The following ARSB variants were observed in gnomAD, a reference collection of about 807,000 sequenced individuals.
The protein encoded by ARSB is arylsulfatase B.
In ARSB, 41 loss-of-function variants were observed where a neutral mutation model predicts 50.9. The ratio of observed to expected loss-of-function variants is 0.81; its 90% CI spans 0.63 to 1.04. The LOEUF is 1.04. Among genes scored for constraint, ARSB ranks in the 50% least tolerant of loss-of-function variants. The probability of loss-of-function intolerance (pLI) is 0.00; values close to 1 mark genes in which losing one functional copy is unlikely to be tolerated. For synonymous variants in ARSB, 269 were observed against 284.8 expected (o/e 0.94, Z 0.56); for missense variants, 672 against 693.3 (o/e 0.97, Z 0.35).
chr5:78,869,555 G>A (rs1203196963), intron 5 of ARSB, among the ~76,000 whole-genome samples: 3 of 150,090 alleles, frequency 2.0e-5, no homozygotes, highest in Non-Finnish European at 3.0e-5. Flanking sequence ...ACCTGCTCCT[G>A]AATGACTACT....
chr5:78,841,152 ACT>A, intron 5 of ARSB, among the ~76,000 whole-genome samples: 1 of 127,592 alleles, frequency 7.8e-6, no homozygotes, highest in Non-Finnish European at 1.6e-5. Flanking sequence ...TACTACTACT[ACT>A]ACTACTACTA....
chr5:78,912,666 C>A (rs1749359566), intron 4 of ARSB, among the ~76,000 whole-genome samples: 1 of 152,190 alleles, frequency 6.6e-6, no homozygotes, highest in Non-Finnish European at 1.5e-5. Flanking sequence ...ACATTTTGCT[C>A]AACCAAACAT....
chr5:78,803,985 G>A (rs1327379204), intron 6 of ARSB, among the ~76,000 whole-genome samples: 1 of 152,192 alleles, frequency 6.6e-6, no homozygotes, highest in East Asian at 1.9e-4. Flanking sequence ...CCCACCCGAG[G>A]GCACCTGGCA....
At chr5:78,936,222 T>C (rs537640149) in intron 4 of ARSB, among the ~76,000 whole-genome samples, 6 of 148,814 alleles carry the variant, frequency 4.0e-5, no homozygotes, top group Admixed American at 4.0e-4. Flanking sequence ...CCTCCCGGGT[T>C]CAAGCGATTC....
At chr5:78,929,141 A>ATTCCC (rs1750198117) in intron 4 of ARSB, among the ~76,000 whole-genome samples, 2 of 152,196 alleles carry the variant, frequency 1.3e-5, no homozygotes. Context: ...AACCTGGGGA[A>ATTCCC]CCGTGGCTCC....
intron 4 of ARSB, among the ~76,000 whole-genome samples, chr5:78,891,816 C>T (rs908658458): frequency 6.6e-6 from 1 of 151,706 alleles, no homozygotes; most frequent in Non-Finnish European, 1.5e-5. Flanking sequence ...AAAACTTGAG[C>T]TAAATGATGA....
At position 78,780,316 on chromosome 5, in the gene ARSB, G is replaced by A; in HGVS notation, c.*81C>T. On this transcript the variant is annotated 3_prime_UTR_variant, in exon 8 of 8. Coordinates refer to ENST00000264914, the MANE Select transcript of ARSB (RefSeq NM_000046.5). ...GAAGGGCCAAGTGAACCCAGGTTGG[G>A]ATAACAAATGAGACAAGAGTCGTGA... The A allele has an allele frequency of 6.3e-7, 1 of 1,598,066 alleles. No individual in the cohort carries two copies. Among genetic ancestry groups the A allele is most frequent in the Non-Finnish European group, 8.6e-7 (1 of 1,168,838 alleles).
In ARSB at chr5:78,778,279, G is replaced by A. The variant is rs1748826781; in HGVS notation, c.*2118C>T. ...TGGTCAGCTGTTTGCCAACCCAGGA[G>A]TTGGGTAAAGGTTGGTAAGAGATGT... is the stretch of plus-strand genomic sequence containing the variant. On this transcript the variant is annotated 3_prime_UTR_variant, in exon 8 of 8. Transcript: ENST00000264914. 6.6e-6 allele frequency: 1 copy of A among 152,232 alleles called. No individual in the cohort carries two copies. Among genetic ancestry groups the A allele is most frequent in the African/African-American group, 2.4e-5 (1 of 41,458 alleles). The allele number at this position is 152,232 out of a possible 1,614,324, so 9.4% of individuals were successfully genotyped here.
chr5:78,955,164 T>C, intron 4 of ARSB, 131 bp downstream of exon 4: 1 of 853,124 alleles, frequency 1.2e-6, no homozygotes, highest in Non-Finnish European at 1.9e-6. Flanking sequence ...ACAATTACCA[T>C]GTCTCCACTA....
In ARSB at chr5:78,942,168, T is replaced by C. The variant is rs565584923; in HGVS notation, c.898+13127A>G. ...TTTTATTGCATCTATTTGATTCTTCTCTCTTTTCTTCTTTATTAGTCTTGC... is the reference window on the plus strand; with the variant it reads ...TTTTATTGCATCTATTTGATTCTTCCCTCTTTTCTTCTTTATTAGTCTTGC... On this transcript the variant is annotated intron_variant, in intron 4 of 7. Coordinates refer to ENST00000264914, the MANE Select transcript of ARSB (RefSeq NM_000046.5). Among the ~76,000 whole-genome samples the C allele has an allele frequency of 3.9e-5, 6 of 152,324 alleles. No homozygotes were observed. In the South Asian group the frequency reaches 1.2e-3, roughly 32 times the overall value.
chr5:78,906,647 G>A (rs1047320735), intron 4 of ARSB, among the ~76,000 whole-genome samples: 6 of 150,362 alleles, frequency 4.0e-5, no homozygotes, highest in African/African-American at 1.5e-4. Context: ...ATATTAGGTT[G>A]GTGCAAAAGT....
chr5:78,922,912 G>A lies in ARSB; in HGVS notation c.898+32383C>T, dbSNP rs548487658. 9.9e-5 allele frequency among the ~76,000 whole-genome samples: 15 copies of A among 152,098 alleles called. No homozygotes were observed. In the East Asian group the frequency reaches 1.9e-3, roughly 20 times the overall value. On this transcript the variant is annotated intron_variant, in intron 4 of 7. Coordinates refer to ENST00000264914, the MANE Select transcript of ARSB (RefSeq NM_000046.5). ...GCTGGGATTACAGGCATGAACCACC[G>A]CACCTGGACTATAATAACAGATTCT...
intron 1 of ARSB, among the ~76,000 whole-genome samples, chr5:78,975,519 G>T (rs1183157987): frequency 2.0e-5 from 3 of 152,142 alleles, no homozygotes; most frequent in African/African-American, 7.2e-5. Context: ...ATCTTTCATT[G>T]CTTCTATTCT....
chr5:78,859,963 A>C (rs574090051), intron 5 of ARSB, among the ~76,000 whole-genome samples: 33 of 152,288 alleles, frequency 2.2e-4, no homozygotes, highest in Non-Finnish European at 4.3e-4. Context: ...TTTTATCCAA[A>C]AGGTTGGGAA....
At chr5:78,842,447 T>C (rs1298080904) in intron 5 of ARSB, among the ~76,000 whole-genome samples, 3 of 152,064 alleles carry the variant, frequency 2.0e-5, no homozygotes, top group Non-Finnish European at 4.4e-5. Flanking sequence ...ATGCCATATA[T>C]AGGAAGAGCA....
chr5:78,972,775 T>G (rs1752512165), intron 1 of ARSB, among the ~76,000 whole-genome samples: 1 of 152,194 alleles, frequency 6.6e-6, no homozygotes, highest in African/African-American at 2.4e-5. Context: ...TTCTGATTGC[T>G]AGAAAGCACT....
At chr5:78,828,222 T>G (rs751492512) in intron 6 of ARSB, among the ~76,000 whole-genome samples, 14 of 151,588 alleles carry the variant, frequency 9.2e-5, no homozygotes, top group African/African-American at 2.7e-4. Context: ...GTGATTTTTT[T>G]TGTGTGTATT....
intron 6 of ARSB, among the ~76,000 whole-genome samples, chr5:78,801,187 T>C (rs1405078038): frequency 6.6e-6 from 1 of 152,202 alleles, no homozygotes; most frequent in Non-Finnish European, 1.5e-5. Context: ...ATACTCTGAT[T>C]ACTAATTAAG....
At position 78,780,113 on chromosome 5, in the gene ARSB, C is replaced by A; in HGVS notation, c.*284G>T. The A allele has an allele frequency of 2.3e-6, 1 of 435,468 alleles. No homozygotes were observed. Among genetic ancestry groups the A allele is most frequent in the African/African-American group, 2.0e-5 (1 of 50,106 alleles). 27.0% of individuals were successfully genotyped at this position (435,468 alleles called of 1,614,324 possible). A position where few individuals can be genotyped will look rare whatever the true frequency, so the allele number is the denominator to read the frequency against. On this transcript the variant is annotated 3_prime_UTR_variant, in exon 8 of 8. Transcript: ENST00000264914. ...TCCAGCCTCCAGGATTCAGTGAGAA[C>A]TTCCTATTTCAAGTTAAGTTCCCAG...
Sources: gnomAD v4.1 joint callset for allele counts (sites outside exome capture counted in the v4.1 genomes callset) on GRCh38, gnomAD v4.1.1 for gene constraint, MANE v1.5 for transcripts, NCBI Gene and HGNC (gene_info 2026-07-23, HGNC 2026-07-21) for gene names.